Variants in GHR observed in about 807,000 individuals in gnomAD.
GHR encodes the protein GH receptor.
GHR carries 35 observed loss-of-function variants against 67.1 expected under a neutral mutation model. That is an observed-to-expected ratio of 0.52 (90% CI 0.40 to 0.69). The LOEUF (loss-of-function observed/expected upper bound fraction) is 0.69. Among genes scored for constraint, GHR ranks in the 30% least tolerant of loss-of-function variants. GHR has a pLI of 0.00. For missense variants in GHR, 792 were observed against 764.6 expected (o/e 1.04, Z -0.42); for synonymous variants, 272 against 269.1 (o/e 1.01, Z -0.10).
intron 3 of GHR, among the ~76,000 whole-genome samples, chr5:42,687,014 A>T (rs1483179010): frequency 2.6e-5 from 4 of 152,214 alleles, no homozygotes; most frequent in Non-Finnish European, 5.9e-5. Flanking sequence ...AAAAATCACA[A>T]GCATTCCTAT....
At chr5:42,618,103 C>CA (rs1753259863) in intron 2 of GHR, among the ~76,000 whole-genome samples, 1 of 152,050 alleles carries the variant, frequency 6.6e-6, no homozygotes. Context: ...GGGCAAAGTT[C>CA]AAAAAACTAA....
chr5:42,448,499 G>A (rs903835762), intron 1 of GHR, among the ~76,000 whole-genome samples: 8 of 151,422 alleles, frequency 5.3e-5, no homozygotes, highest in South Asian at 2.1e-4. Context: ...ATATCTTGCC[G>A]ATTCTGGATA....
chr5:42,681,935 C>CA (rs11443605), intron 3 of GHR, among the ~76,000 whole-genome samples: 49,443 of 79,544 alleles, frequency 0.62, 15,369 homozygotes, highest in East Asian at 0.77. Flanking sequence ...GACTCCGTCT[C>CA]AAAAAAAAAA....
chr5:42,515,616 G>C (rs1747202679), intron 1 of GHR, among the ~76,000 whole-genome samples: 1 of 152,214 alleles, frequency 6.6e-6, no homozygotes, highest in African/African-American at 2.4e-5. Context: ...GTTGGATTTA[G>C]TCTATAACCC....
At chr5:42,457,838 G>C (rs558098035) in intron 1 of GHR, among the ~76,000 whole-genome samples, 6 of 152,074 alleles carry the variant, frequency 3.9e-5, no homozygotes, top group African/African-American at 1.4e-4. Flanking sequence ...CCCCTGCAAA[G>C]TAAAAAGTTC....
chr5:42,460,541 C>T (rs1040283829), intron 1 of GHR, among the ~76,000 whole-genome samples: 6 of 152,136 alleles, frequency 3.9e-5, no homozygotes, highest in African/African-American at 1.4e-4. Context: ...GAATGGATCT[C>T]ACTTATGCAA....
chr5:42,527,795 A>G (rs890398749), intron 1 of GHR, among the ~76,000 whole-genome samples: 26 of 152,326 alleles, frequency 1.7e-4, no homozygotes, highest in Admixed American at 9.1e-4. Flanking sequence ...AAGATTGATC[A>G]CATAATTGGA....
rs192568797 is a variant in GHR, at chr5:42,435,848, T to C, written c.-12+11893T>C. On this transcript the variant is annotated intron_variant, in intron 1 of 9. Coordinates refer to ENST00000230882, the MANE Select transcript of GHR (RefSeq NM_000163.5). ...AAACTTACCGGCCTTTGTAACCAGA[T>C]AGCAAGTTCTGTAACAGAAAATACA... 9.8e-5 allele frequency among the ~76,000 whole-genome samples: 15 copies of C among 152,330 alleles called. No individual in the cohort carries two copies. In the East Asian group the frequency reaches 2.7e-3, roughly 27 times the overall value.
At chr5:42,434,088 G>T (rs750536746) in intron 1 of GHR, among the ~76,000 whole-genome samples, 9 of 152,058 alleles carry the variant, frequency 5.9e-5, no homozygotes, top group Non-Finnish European at 1.3e-4. Context: ...GTTCCAAGAG[G>T]CCTATTAAAG....
intron 3 of GHR, among the ~76,000 whole-genome samples, chr5:42,653,803 G>T (rs564374944): frequency 2.6e-5 from 4 of 152,066 alleles, no homozygotes; most frequent in Non-Finnish European, 5.9e-5. Flanking sequence ...ACTGCTTGTC[G>T]CTGTTGATGA....
chr5:42,468,548 C>T, intron 1 of GHR: 1 of 847,192 alleles, frequency 1.2e-6, no homozygotes, highest in Non-Finnish European at 1.9e-6. Flanking sequence ...AACAATGACC[C>T]TTATTCCTTC....
chr5:42,424,687 C>A lies in GHR; in HGVS notation c.-12+732C>A. ...AACCAGGCTTAAAGTTTTGACAGAA[C>A]TGCCAGAGGCTGCGGGTCAATGGGG... On this transcript the variant is annotated intron_variant, in intron 1 of 9. Transcript: ENST00000230882. The surrounding 1 kb of genome is among the most constrained non-coding windows in gnomAD (Gnocchi z 4.1). 1.6e-6 allele frequency: 2 copies of A among 1,237,514 alleles called. No individual in the cohort carries two copies. Among genetic ancestry groups the A allele is most frequent in the Non-Finnish European group, 2.3e-6 (2 of 874,240 alleles). The allele number at this position is 1,237,514 out of a possible 1,614,324, so 76.7% of individuals were successfully genotyped here. A position where few individuals can be genotyped will look rare whatever the true frequency, so the allele number is the denominator to read the frequency against.
chr5:42,501,614 C>T (rs1746543226), intron 1 of GHR, among the ~76,000 whole-genome samples: 2 of 152,166 alleles, frequency 1.3e-5, no homozygotes, highest in South Asian at 4.1e-4. Flanking sequence ...TTAGCAGCAT[C>T]TCTGGTCTCT....
Position 42,695,066 on chromosome 5 carries a change from A to G in GHR, c.416A>G (p.Lys139Arg). 1 of 1,611,272 alleles carries G rather than the reference A, an allele frequency of 6.2e-7. No individual in the cohort carries two copies. The highest frequency in any genetic ancestry group is 1.1e-5 in the South Asian group (1 of 91,012). ...AGCAATGGTGGTACAGTGGATGAAA[A>G]GTGTTTCTCTGTTGATGAAATAGGT... ...LTSNGGTVDE[K>R]CFSVDEIVQP... Residue 139 changes from lysine (K) to arginine (R), a missense_variant, in exon 5 of 10, where the codon AAG (lysine) becomes AGG (arginine). Coordinates refer to ENST00000230882, the MANE Select transcript of GHR (RefSeq NM_000163.5).
chr5:42,636,839 C>T (rs541643523), intron 3 of GHR, among the ~76,000 whole-genome samples: 1 of 152,208 alleles, frequency 6.6e-6, no homozygotes, highest in African/African-American at 2.4e-5. Context: ...AATTGTGTGT[C>T]TCATGGCAAA....
chr5:42,704,954 C>CA (rs141641262), intron 6 of GHR, among the ~76,000 whole-genome samples: 4,019 of 151,514 alleles, frequency 0.027, 66 homozygotes, highest in Non-Finnish European at 0.04. Flanking sequence ...TTTATCTTTT[C>CA]AAAAAAACTT....
intron 2 of GHR, among the ~76,000 whole-genome samples, chr5:42,583,073 T>A (rs1002716749): frequency 6.6e-6 from 1 of 152,162 alleles, no homozygotes; most frequent in Non-Finnish European, 1.5e-5. Flanking sequence ...CTTGGGCAAA[T>A]GTGCCACCAG....
intron 3 of GHR, among the ~76,000 whole-genome samples, chr5:42,661,540 A>G (rs1352652296): frequency 6.6e-6 from 1 of 152,236 alleles, no homozygotes; most frequent in Non-Finnish European, 1.5e-5. Flanking sequence ...AATACTTTAC[A>G]GACAAGCAAA....
chr5:42,518,081 C>T (rs1747320030), intron 1 of GHR, among the ~76,000 whole-genome samples: 1 of 151,114 alleles, frequency 6.6e-6, no homozygotes, highest in African/African-American at 2.4e-5. Context: ...TCTTCCTTCT[C>T]TCACCCTCTT....
Sources: gnomAD v4.1 joint callset for allele counts (sites outside exome capture counted in the v4.1 genomes callset) on GRCh38, gnomAD v4.1.1 for gene constraint, Gnocchi (gnomAD v3.1) non-coding constraint, MANE v1.5 for transcripts, NCBI Gene and HGNC (gene_info 2026-07-23, HGNC 2026-07-21) for gene names.